The following CDCA2 variants were observed in gnomAD, a reference collection of about 807,000 sequenced individuals.
The protein encoded by CDCA2 is cell division cycle associated 2, also known as cell division cycle-associated protein 2.
Under a neutral mutation model 67.0 loss-of-function variants are expected in CDCA2, and 44 were observed. That is an observed-to-expected ratio of 0.66 (90% CI 0.52 to 0.84). CDCA2 has a LOEUF of 0.84. CDCA2 is among the 40% of genes least tolerant of loss of function. CDCA2 has a pLI of 0.00. For missense variants in CDCA2, 1,253 were observed against 1,203.2 expected (o/e 1.04, Z -0.61); for synonymous variants, 447 against 418.7 (o/e 1.07, Z -0.82).
At chr8:25,483,090 A>G (rs1803631736) in intron 8 of CDCA2, among the ~76,000 whole-genome samples, 1 of 152,190 alleles carries the variant, frequency 6.6e-6, no homozygotes, top group African/African-American at 2.4e-5. Context: ...CTATTATTCT[A>G]GCTACTCACG....
At chr8:25,504,304 T>A (rs572518939) in intron 14 of CDCA2, among the ~76,000 whole-genome samples, 46 of 142,946 alleles carry the variant, frequency 3.2e-4, no homozygotes, top group Middle Eastern at 3.6e-3. Flanking sequence ...TTTTTTTTTT[T>A]AATTTTTAGT....
chr8:25,470,650 A>G (rs1045299102), intron 7 of CDCA2, among the ~76,000 whole-genome samples: 6 of 151,876 alleles, frequency 4.0e-5, no homozygotes, highest in African/African-American at 4.8e-5. Context: ...CTACAGATCA[A>G]TTTCCTCTCC....
chr8:25,497,167 A>G (rs1804256236), intron 13 of CDCA2, among the ~76,000 whole-genome samples: 1 of 152,132 alleles, frequency 6.6e-6, no homozygotes, highest in Admixed American at 6.5e-5. Flanking sequence ...CATTTTCACA[A>G]GCCATTGTGG....
chr8:25,469,698 A>G lies in CDCA2; in HGVS notation c.736-198A>G, dbSNP rs570659813. 5.2e-5 allele frequency among the ~76,000 whole-genome samples: 7 copies of G among 134,730 alleles called. No individual in the cohort carries two copies. In the Admixed American group the frequency reaches 5.6e-4, roughly 11 times the overall value. 88.4% of individuals were successfully genotyped at this position (134,730 alleles called of 152,430 possible). On this transcript the variant is annotated intron_variant, in intron 6 of 14. Coordinates refer to ENST00000330560, the MANE Select transcript of CDCA2 (RefSeq NM_152562.4). ...AATAGTTCATGTTAGATTCCTGTAC[A>G]CTTTGAGATACACTTTATGAGATAA...
intron 13 of CDCA2, among the ~76,000 whole-genome samples, chr8:25,493,874 C>A (rs1375840980): frequency 6.6e-6 from 1 of 152,180 alleles, no homozygotes; most frequent in African/African-American, 2.4e-5. Flanking sequence ...CTCATTTGTC[C>A]TTTGACCCAA....
At chr8:25,486,768 T>C (rs112146105) in intron 11 of CDCA2, among the ~76,000 whole-genome samples, 61,050 of 151,868 alleles carry the variant, frequency 0.4, 12,651 homozygotes, top group African/African-American at 0.51. Context: ...TGAGCTGAGA[T>C]TGCACCACTG....
Position 25,506,631 on chromosome 8 carries a change from T to C in CDCA2, c.1965T>C (p.Asp655=). Residue 655 remains aspartate (D), a synonymous_variant, in exon 15 of 15, where the codon GAT becomes GAC. Transcript: ENST00000330560. ...TGCATCAAGGCTATGATAAATATGATGTCTCTGAATTCTGCTCTTATATAA... is the reference window on the plus strand; with the variant it reads ...TGCATCAAGGCTATGATAAATATGACGTCTCTGAATTCTGCTCTTATATAA... ...LHMHQGYDKY[D]VSEFCSYIKS... 2 of 1,613,506 alleles carry C rather than the reference T, an allele frequency of 1.2e-6. No individual in the cohort carries two copies. The highest frequency in any genetic ancestry group is 2.2e-5 in the East Asian group (1 of 44,868).
Position 25,488,979 on chromosome 8 carries a change from A to G in CDCA2, c.1671+290A>G, listed in dbSNP as rs73550846. 2.2e-3 allele frequency among the ~76,000 whole-genome samples: 329 copies of G among 152,276 alleles called. 1 individual carries two copies. Among genetic ancestry groups the G allele is most frequent in the African/African-American group, 7.5e-3 (312 of 41,562 alleles). ...TTCTCATCTTTGAATCTACCCCAAC[A>G]TATTACCCTATTGGGAATCCTGATT... On this transcript the variant is annotated intron_variant, in intron 13 of 14. Transcript: ENST00000330560.
At chr8:25,478,886 GTGTA>G (rs35727308) in intron 7 of CDCA2, among the ~76,000 whole-genome samples, 39,515 of 119,386 alleles carry the variant, frequency 0.33, 5,396 homozygotes, top group Non-Finnish European at 0.37. Context: ...TGTTGTGTGT[GTGTA>G]TATATATATA....
At chr8:25,503,618 C>A in intron 14 of CDCA2, 74 bp downstream of exon 14, 1 of 1,428,844 alleles carries the variant, frequency 7.0e-7, no homozygotes, top group South Asian at 1.4e-5. Flanking sequence ...TTACTTTTTT[C>A]ACTTTTTTCC....
chr8:25,465,463 T>C (rs561852996), intron 4 of CDCA2, among the ~76,000 whole-genome samples: 3 of 152,338 alleles, frequency 2.0e-5, no homozygotes, highest in East Asian at 3.9e-4. Context: ...ATTTTTATAT[T>C]ACTTGTCTTT....
chr8:25,476,595 C>T (rs1201853671), intron 7 of CDCA2, among the ~76,000 whole-genome samples: 4 of 151,730 alleles, frequency 2.6e-5, no homozygotes, highest in African/African-American at 4.8e-5. Context: ...CTCTGCCGCC[C>T]AGGCTGTAGT....
intron 14 of CDCA2, among the ~76,000 whole-genome samples, chr8:25,505,464 G>T (rs1804641364): frequency 6.6e-6 from 1 of 152,170 alleles, no homozygotes; most frequent in Non-Finnish European, 1.5e-5. Context: ...GCCTCCCAAA[G>T]TGCTGGGATT....
chr8:25,469,056 G>A (rs1329731484), intron 6 of CDCA2, among the ~76,000 whole-genome samples: 2 of 152,218 alleles, frequency 1.3e-5, no homozygotes, highest in South Asian at 2.1e-4. Context: ...GCGCGCACGC[G>A]TGAATGGAGA....
At chr8:25,477,055 A>G (rs1489333434) in intron 7 of CDCA2, among the ~76,000 whole-genome samples, 1 of 152,124 alleles carries the variant, frequency 6.6e-6, no homozygotes, top group Non-Finnish European at 1.5e-5. Flanking sequence ...ACTTTAGGCA[A>G]AACTTTTAAG....
chr8:25,460,670 T>C, intron 3 of CDCA2, 116 bp downstream of exon 3: 1 of 1,063,662 alleles, frequency 9.4e-7, no homozygotes, highest in Non-Finnish European at 1.3e-6. Flanking sequence ...AATTGCCTAC[T>C]CTGCAAACTT....
chr8:25,488,042 A>T (rs927243917), intron 12 of CDCA2, among the ~76,000 whole-genome samples: 3 of 152,186 alleles, frequency 2.0e-5, no homozygotes, highest in Admixed American at 6.5e-5. Flanking sequence ...ATATATAAGC[A>T]TAACTCCCAT....
Position 25,507,769 on chromosome 8 carries a change from G to T in CDCA2, c.*31G>T. 5 of 1,576,372 alleles carry T rather than the reference G, an allele frequency of 3.2e-6. No homozygotes were observed. The South Asian group carries it at 5.9e-5, about 19-fold the overall frequency. The stretch of plus-strand genomic sequence containing the variant: ...ATTTCCTGCAGAGTCTGTGGCAAGA[G>T]GGAAAGTAACCATCTATGCTGAAAT... On this transcript the variant is annotated 3_prime_UTR_variant, in exon 15 of 15. Transcript: ENST00000330560.
chr8:25,480,716 C>A (rs1803535854), intron 8 of CDCA2, among the ~76,000 whole-genome samples: 1 of 152,066 alleles, frequency 6.6e-6, no homozygotes, highest in African/African-American at 2.4e-5. Flanking sequence ...GTTAAGTGAA[C>A]CCAGATAAGT....
Sources: allele counts gnomAD v4.1 joint callset (sites outside exome capture counted in the v4.1 genomes callset), GRCh38; gene constraint gnomAD v4.1.1; transcripts MANE v1.5; gene names NCBI Gene and HGNC (gene_info 2026-07-23, HGNC 2026-07-21).